Variants in NCAN observed in about 807,000 individuals in gnomAD.
NCAN encodes neurocan.
NCAN carries 47 observed loss-of-function variants against 121.8 expected under a neutral mutation model. The ratio of observed to expected loss-of-function variants is 0.39; its 90% CI spans 0.31 to 0.49. The LOEUF (loss-of-function observed/expected upper bound fraction) is 0.49. NCAN is among the 20% of genes least tolerant of loss of function. The pLI, the probability that NCAN is intolerant of heterozygous loss-of-function variation, is 0.92. For missense variants in NCAN, 1,517 were observed against 1,773.4 expected, an observed-to-expected ratio of 0.86 and a Z score of 2.60; for synonymous variants, 633 against 702.0, an observed-to-expected ratio of 0.90 and a Z score of 1.55.
chr19:19,228,692 G>A (rs2060847467), intron 8 of NCAN, 53 bp downstream of exon 8: 4 of 1,537,848 alleles, frequency 2.6e-6, no homozygotes, highest in Non-Finnish European at 3.5e-6. Context: ...AGGGCTTGGG[G>A]AGCAGGGGCT....
chr19:19,235,070 G>A lies in NCAN; in HGVS notation c.3224G>A (p.Ser1075Asn). 1 of 1,612,300 alleles carries A rather than the reference G, an allele frequency of 6.2e-7. No homozygotes were observed. Among genetic ancestry groups the A allele is most frequent in the African/African-American group, 1.3e-5 (1 of 75,012 alleles). Residue 1075 changes from serine (S) to asparagine (N), a missense_variant, in exon 10 of 15, where the codon AGC becomes AAC. Ser to Asn is a conservative substitution (Grantham distance 46). Transcript: ENST00000252575. ...VNGFVCLCLP[S>N]YGGSFCEKDT... ...GGCTTTGTCTGCCTTTGCCTCCCCAGCTATGGGGGCAGCTTTTGTGAGAAA... is the reference window on the plus strand; with the variant it reads ...GGCTTTGTCTGCCTTTGCCTCCCCAACTATGGGGGCAGCTTTTGTGAGAAA...
At position 19,248,711 on chromosome 19, in the gene NCAN, C is replaced by T. The variant is rs752041826; in HGVS notation, c.3649C>T (p.Pro1217Ser). The T allele has an allele frequency of 3.1e-6, 5 of 1,613,834 alleles. No individual in the cohort carries two copies. In the Admixed American group the frequency reaches 6.7e-5, roughly 22 times the overall value. The change falls in exon 14 of 15, where the codon CCC (proline) becomes TCC (serine). Residue 1217 changes from proline to serine, a missense_variant. By Grantham distance (74) the Pro-to-Ser change is moderately conservative (BLOSUM62 -1). Transcript: ENST00000252575. ...TTCCTCTGTCCCAGTGCTCTGTGGT[C>T]CCCCTCCGGCAGTGGAGAATGCCTC... ...VCKKGTVLCG[P>S]PPAVENASLI...
rs1487741832 is a variant in NCAN, at chr19:19,225,734, T to C, written c.1072+464T>C. 3.9e-5 allele frequency among the ~76,000 whole-genome samples: 6 copies of C among 152,146 alleles called. No individual in the cohort carries two copies. Among genetic ancestry groups the C allele is most frequent in the African/African-American group, 1.4e-4 (6 of 41,430 alleles). On this transcript the variant is annotated intron_variant, in intron 6 of 14. Transcript: ENST00000252575. The surrounding 1 kb of genome is among the most constrained non-coding windows in gnomAD (Gnocchi z 4.0). ...GGGCAGTGGGGACAGCTTTGGAAGCTGCAAGCATCAACCCCAAGGAGCCAT... is the reference window on the plus strand; with the variant it reads ...GGGCAGTGGGGACAGCTTTGGAAGCCGCAAGCATCAACCCCAAGGAGCCAT...
intron 8 of NCAN, among the ~76,000 whole-genome samples, chr19:19,232,242 T>G (rs553440553): frequency 1.3e-5 from 2 of 152,268 alleles, no homozygotes; most frequent in African/African-American, 4.8e-5. Context: ...GGATGGAGAT[T>G]GGCGGGCAGT....
At position 19,245,294 on chromosome 19, in the gene NCAN, C is replaced by T. The variant is rs2060920412; in HGVS notation, c.3493-19C>T. On this transcript the variant is annotated intron_variant, in intron 12 of 14. Coordinates refer to ENST00000252575, the MANE Select transcript of NCAN (RefSeq NM_004386.3). ...GAACAGAGGTCCCCTGAACAACTCC[C>T]TGCCCCCTATTCCTGCAGCAATTTG... The T allele has an allele frequency of 1.2e-6, 2 of 1,613,194 alleles. No homozygotes were observed. The highest frequency in any genetic ancestry group is 2.7e-5 in the African/African-American group (2 of 74,944).
intron 1 of NCAN, among the ~76,000 whole-genome samples, chr19:19,214,727 G>GGT (rs56279536): frequency 0.013 from 1,839 of 141,204 alleles, 24 homozygotes; most frequent in African/African-American, 0.023. Context: ...CTGTTAACGG[G>GGT]GTGTGTGTGT....
chr19:19,242,772 A>G (rs970543825), intron 12 of NCAN, among the ~76,000 whole-genome samples: 7 of 152,204 alleles, frequency 4.6e-5, no homozygotes, highest in African/African-American at 1.7e-4. Context: ...AACATCCAAA[A>G]TACCCATCAA....
rs145997385 is a variant in NCAN at position 19,252,058 on chromosome 19, CGTGT to C, written c.*2152_*2155del. 2 of 152,560 alleles carry C rather than the reference CGTGT, an allele frequency of 1.3e-5. No individual in the cohort carries two copies. The highest frequency in any genetic ancestry group is 4.8e-5 in the African/African-American group (2 of 41,388). 9.5% of individuals were successfully genotyped at this position (152,560 alleles called of 1,614,324 possible). A position where few individuals can be genotyped will look rare whatever the true frequency, so the allele number is the denominator to read the frequency against. On this transcript the variant is annotated 3_prime_UTR_variant, in exon 15 of 15. Coordinates refer to ENST00000252575, the MANE Select transcript of NCAN (RefSeq NM_004386.3). The stretch of plus-strand genomic sequence containing the variant: ...TTTTGATCTTTCCCTTTTGGATGTG[CGTGT>C]GTGTCTGCGTGTGCCATGTGCGTGG...
At chr19:19,244,291 T>C (rs10402729) in intron 12 of NCAN, among the ~76,000 whole-genome samples, 4,634 of 149,166 alleles carry the variant, frequency 0.031, 263 homozygotes, top group African/African-American at 0.11. Flanking sequence ...TGCTGTTCCC[T>C]GTCTGAACCC....
At position 19,227,218 on chromosome 19, in the gene NCAN, C is replaced by G. The variant is rs916377393; in HGVS notation, c.1661-63C>G. The G allele has an allele frequency of 1.3e-6, 2 of 1,506,144 alleles. No homozygotes were observed. Among genetic ancestry groups the G allele is most frequent in the Non-Finnish European group, 1.8e-6 (2 of 1,129,988 alleles). The allele number at this position is 1,506,144 out of a possible 1,614,324, so 93.3% of individuals were successfully genotyped here. On this transcript the variant is annotated intron_variant, in intron 7 of 14. Transcript: ENST00000252575. The surrounding 1 kb of genome is among the most constrained non-coding windows in gnomAD (Gnocchi z 4.2). Reference sequence around the variant, plus strand: ...CCCAGAAGCCCCCTCTCCCTTGGGCCTGGAGTCCAACCAAAGGGGCTGCTG... The same window carrying G: ...CCCAGAAGCCCCCTCTCCCTTGGGCGTGGAGTCCAACCAAAGGGGCTGCTG...
At position 19,212,378 on chromosome 19, in the gene NCAN, G is replaced by A. The variant is rs1599803541; in HGVS notation, c.-8+314G>A. On this transcript the variant is annotated intron_variant, in intron 1 of 14. Coordinates refer to ENST00000252575, the MANE Select transcript of NCAN (RefSeq NM_004386.3). This position sits in a 1 kb window ranked among gnomAD's most constrained non-coding sequence, Gnocchi z 4.5. ...AATGGGAAACAGGGCTAGGGGAGGG[G>A]CCCCCCGAGTTTGGAGGGAAGAAGA... Among the ~76,000 whole-genome samples, 1 of 152,076 alleles carries A rather than the reference G, an allele frequency of 6.6e-6. No individual in the cohort carries two copies. Among genetic ancestry groups the A allele is most frequent in the Admixed American group, 6.5e-5 (1 of 15,272 alleles).
At chr19:19,230,079 CTG>C (rs1346638999) in intron 8 of NCAN, among the ~76,000 whole-genome samples, 1 of 152,114 alleles carries the variant, frequency 6.6e-6, no homozygotes, top group Non-Finnish European at 1.5e-5. Context: ...GAGTCTCACT[CTG>C]TCATCCAGCC....
In NCAN at chr19:19,227,133, T is replaced by C. The variant is rs1410370798; in HGVS notation, c.1660+60T>C. ...GGATCTGGAGGTGAGGGTAGAGAGG[T>C]AGCCATGGCTACACTCAGAATGAGG... On this transcript the variant is annotated intron_variant, in intron 7 of 14. Coordinates refer to ENST00000252575, the MANE Select transcript of NCAN (RefSeq NM_004386.3). The surrounding 1 kb of genome is among the most constrained non-coding windows in gnomAD (Gnocchi z 4.2). 7 of 1,489,430 alleles carry C rather than the reference T, an allele frequency of 4.7e-6. No individual in the cohort carries two copies. The highest frequency in any genetic ancestry group is 2.3e-5 in the East Asian group (1 of 43,402). The allele number at this position is 1,489,430 out of a possible 1,614,324, so 92.3% of individuals were successfully genotyped here. A position where few individuals can be genotyped will look rare whatever the true frequency, so the allele number is the denominator to read the frequency against.
chr19:19,224,802 T>G (rs1357675304), intron 5 of NCAN, among the ~76,000 whole-genome samples, 175 bp from the exon 6 acceptor site: 1 of 152,156 alleles, frequency 6.6e-6, no homozygotes, highest in Non-Finnish European at 1.5e-5. Flanking sequence ...TAGCTCTGCA[T>G]GAGAGGTAAG....
chr19:19,239,383 C>T (rs1268434761), intron 11 of NCAN, among the ~76,000 whole-genome samples: 2 of 148,746 alleles, frequency 1.3e-5, no homozygotes, highest in South Asian at 2.2e-4. Flanking sequence ...TCCTACCTCC[C>T]CATCTTCCCT....
intron 10 of NCAN, among the ~76,000 whole-genome samples, chr19:19,235,964 C>A (rs770792806): frequency 1.3e-5 from 2 of 152,156 alleles, no homozygotes; most frequent in Non-Finnish European, 2.9e-5. Context: ...CCAGACTGGT[C>A]TTGAACTCCT....
intron 10 of NCAN, among the ~76,000 whole-genome samples, chr19:19,236,617 A>T: frequency 6.7e-6 from 1 of 150,338 alleles, no homozygotes; most frequent in Non-Finnish European, 1.5e-5. Context: ...TTTTGTAGAG[A>T]TGGGGTTTTG....
chr19:19,235,100 A>G lies in NCAN; in HGVS notation c.3250+4A>G. ...GGGGGCAGCTTTTGTGAGAAAGGTG[A>G]GTTTCTATTGCAACACCAGAAACAG... On this transcript the variant is annotated splice_donor_region_variant and intron_variant, in intron 10 of 14. Coordinates refer to ENST00000252575, the MANE Select transcript of NCAN (RefSeq NM_004386.3). 5.6e-6 allele frequency: 9 copies of G among 1,602,080 alleles called. No homozygotes were observed. Among genetic ancestry groups the G allele is most frequent in the Non-Finnish European group, 7.7e-6 (9 of 1,169,830 alleles).
At chr19:19,237,579 T>A (rs1026790496) in intron 10 of NCAN, among the ~76,000 whole-genome samples, 5 of 152,122 alleles carry the variant, frequency 3.3e-5, no homozygotes, top group African/African-American at 1.2e-4. Flanking sequence ...AATGAGCATC[T>A]TTTCATGTGC....
Sources: gnomAD v4.1 joint callset for allele counts (sites outside exome capture counted in the v4.1 genomes callset) on GRCh38, gnomAD v4.1.1 for gene constraint, Gnocchi (gnomAD v3.1) non-coding constraint, MANE v1.5 for transcripts, NCBI Gene and HGNC (gene_info 2026-07-23, HGNC 2026-07-21) for gene names.